SSPN: variants seen among roughly 807,000 people sequenced by gnomAD.
SSPN encodes the protein sarcospan, also known as K-ras oncogene-associated protein.
In SSPN, 15 loss-of-function variants were observed where a neutral mutation model predicts 19.1. The ratio of observed to expected loss-of-function variants is 0.78; its 90% confidence interval spans 0.52 to 1.21. The LOEUF is 1.21. Ranked by LOEUF, SSPN falls within the 50% of genes most tolerant of loss-of-function variation. The pLI is 0.00. For synonymous variants in SSPN, 147 were observed against 140.3 expected, an observed-to-expected ratio of 1.05 and a Z score of -0.34; for missense variants, 291 against 314.0, an observed-to-expected ratio of 0.93 and a Z score of 0.55.
At chr12:26,229,087 G>GATGTTTCTA (rs1464082223) in intron 2 of SSPN, among the ~76,000 whole-genome samples, 1 of 152,140 alleles carries the variant, frequency 6.6e-6, no homozygotes, top group African/African-American at 2.4e-5. Context: ...TGAGATATAA[G>GATGTTTCTA]ATGTTTCTAT....
At chr12:26,222,423 T>G (rs1945131532) in intron 1 of SSPN, among the ~76,000 whole-genome samples, 1 of 152,346 alleles carries the variant, frequency 6.6e-6, no homozygotes, top group Admixed American at 6.5e-5. Flanking sequence ...AAACAGTTTC[T>G]CCACCCTAAC....
At chr12:26,137,618 ATG>A (rs1239619291) in intron 1 of SSPN, among the ~76,000 whole-genome samples, 15 of 116,274 alleles carry the variant, frequency 1.3e-4, no homozygotes, top group Admixed American at 3.0e-4. Context: ...ATACATATAT[ATG>A]TGTGTGTGTG....
chr12:26,138,067 C>T (rs1944439087), intron 1 of SSPN, among the ~76,000 whole-genome samples: 1 of 152,010 alleles, frequency 6.6e-6, no homozygotes, highest in Admixed American at 6.6e-5. Context: ...TGTTCAAGTC[C>T]CATGTAAATA....
intron 1 of SSPN, chr12:26,126,642 G>C (rs1944367426): frequency 6.6e-6 from 1 of 150,844 alleles, no homozygotes; most frequent in African/African-American, 2.4e-5. Context: ...GGAGCAGCCC[G>C]GGCCGCGGCG....
rs1555175654 is a variant in SSPN, at chr12:26,137,636, G to GTATGTATATATATATATATATATA, written c.-31+15487_-31+15488insGTATATATATATATATATATATAT. Among the ~76,000 whole-genome samples, 9 of 31,354 alleles carry GTATGTATATATATATATATATATA rather than the reference G, an allele frequency of 2.9e-4. 1 individual carries two copies. Among genetic ancestry groups the GTATGTATATATATATATATATATA allele is most frequent in the African/African-American group, 8.8e-4 (7 of 7,944 alleles). The allele number at this position is 31,354 out of a possible 152,430, so 20.6% of individuals were successfully genotyped here. A position where few individuals can be genotyped will look rare whatever the true frequency, so the allele number is the denominator to read the frequency against. On this transcript the variant is annotated intron_variant, in intron 1 of 2. Coordinates refer to the SSPN transcript ENST00000538142. ...CATATATATGTGTGTGTGTGTGTATGTATATATATATATATATATATTTTT... is the reference window on the plus strand; with the variant it reads ...CATATATATGTGTGTGTGTGTGTATGTATGTATATATATATATATATATATATATATATATATATATATATTTTT...
At chr12:26,182,335 T>C (rs1176893983) in intron 1 of SSPN, among the ~76,000 whole-genome samples, 1 of 152,216 alleles carries the variant, frequency 6.6e-6, no homozygotes, top group Non-Finnish European at 1.5e-5. Flanking sequence ...CCTAGGTTGG[T>C]GATTAATCTT....
Position 26,157,227 on chromosome 12 carries a change from G to A in SSPN, c.-31+35075G>A, listed in dbSNP as rs142873947. On this transcript the variant is annotated intron_variant, in intron 1 of 2. Transcript: ENST00000538142. ...GTATTGGCTAATAATTAACAAAAGC[G>A]GCTGCTGACTTCACTAAGTGATTGC... Among the ~76,000 whole-genome samples the A allele has an allele frequency of 4.1e-3, 620 of 152,272 alleles. 6 individuals carry two copies. The highest frequency in any genetic ancestry group is 0.014 in the African/African-American group (587 of 41,542).
intron 1 of SSPN, among the ~76,000 whole-genome samples, chr12:26,212,100 C>A (rs1944993893): frequency 6.6e-6 from 1 of 152,130 alleles, no homozygotes; most frequent in South Asian, 2.1e-4. Context: ...AATGTGTTTT[C>A]CAAAGAGATC....
chr12:26,169,046 T>C (rs1383834512), intron 1 of SSPN, among the ~76,000 whole-genome samples: 1 of 144,478 alleles, frequency 6.9e-6, no homozygotes, highest in Non-Finnish European at 1.5e-5. Context: ...AAAAAACACT[T>C]AAGGTAATGA....
chr12:26,224,128 A>G (rs575269689), intron 1 of SSPN, among the ~76,000 whole-genome samples, 165 bp from the exon 2 acceptor site: 1 of 152,358 alleles, frequency 6.6e-6, no homozygotes, highest in Admixed American at 6.5e-5. Flanking sequence ...CTAATTTTAA[A>G]GTGGTTTTCC....
At chr12:26,122,141 G>T in exon 1 of SSPN, 1 of 1,548,680 alleles carries the variant, frequency 6.5e-7, no homozygotes, top group Non-Finnish European at 8.7e-7. Context: ...CGCGGGGCCC[G>T]GCGAAGGGCA....
At chr12:26,212,209 C>G (rs1310089449) in intron 1 of SSPN, among the ~76,000 whole-genome samples, 1 of 152,230 alleles carries the variant, frequency 6.6e-6, no homozygotes, top group East Asian at 1.9e-4. Flanking sequence ...TTTGCATGCT[C>G]ATATGAAAAT....
chr12:26,123,262 G>T (rs1410562504), intron 1 of SSPN: 3 of 1,422,854 alleles, frequency 2.1e-6, no homozygotes, highest in African/African-American at 2.9e-5. Context: ...CGTGGGCCCT[G>T]CATCGACTAA....
intron 1 of SSPN, among the ~76,000 whole-genome samples, chr12:26,144,643 G>T (rs1264130704): frequency 6.6e-6 from 1 of 152,100 alleles, no homozygotes; most frequent in Admixed American, 6.6e-5. Context: ...ACAACTTATG[G>T]CAATTATTGC....
intron 1 of SSPN, among the ~76,000 whole-genome samples, chr12:26,178,345 GTA>G (rs1944697500): frequency 4.0e-5 from 6 of 150,774 alleles, no homozygotes; most frequent in African/African-American, 1.5e-4. Context: ...AGGACTAAAT[GTA>G]TGTGTGTGTG....
chr12:26,150,005 A>C (rs746621456), intron 1 of SSPN, among the ~76,000 whole-genome samples: 3 of 152,230 alleles, frequency 2.0e-5, no homozygotes, highest in Non-Finnish European at 4.4e-5. Flanking sequence ...GAAAGGTAGG[A>C]AGAAACATGG....
intron 1 of SSPN, among the ~76,000 whole-genome samples, chr12:26,130,034 C>G (rs1944388762): frequency 6.6e-6 from 1 of 152,060 alleles, no homozygotes; most frequent in African/African-American, 2.4e-5. Flanking sequence ...CTCATGGTGC[C>G]CATGTGCTTC....
chr12:26,141,391 G>T (rs1357151120), intron 1 of SSPN, among the ~76,000 whole-genome samples: 1 of 152,144 alleles, frequency 6.6e-6, no homozygotes, highest in Non-Finnish European at 1.5e-5. Flanking sequence ...CAAACATCTT[G>T]AGTTTAGCCC....
intron 1 of SSPN, among the ~76,000 whole-genome samples, chr12:26,168,402 C>T (rs941455026): frequency 2.0e-5 from 3 of 152,094 alleles, no homozygotes; most frequent in African/African-American, 7.2e-5. Context: ...GCCCAGTGTT[C>T]GGAGGTTGCA....
Sources: gnomAD v4.1 joint callset for allele counts (sites outside exome capture counted in the v4.1 genomes callset) on GRCh38, gnomAD v4.1.1 for gene constraint, MANE v1.5 for transcripts, NCBI Gene and HGNC (gene_info 2026-07-23, HGNC 2026-07-21) for gene names.